Variants in GPC5 observed in about 807,000 individuals in gnomAD.
GPC5 encodes glypican-5.
Under a neutral mutation model 53.9 loss-of-function variants are expected in GPC5, and 47 were observed. The ratio of observed to expected loss-of-function variants is 0.87; its 90% confidence interval spans 0.69 to 1.11. GPC5 has a LOEUF of 1.11. GPC5 is among the 50% of genes most tolerant of loss of function. GPC5 has a pLI of 0.00. For missense variants in GPC5, 748 were observed against 713.1 expected, an observed-to-expected ratio of 1.05 and a Z score of -0.56; for synonymous variants, 286 against 263.3, an observed-to-expected ratio of 1.09 and a Z score of -0.84.
intron 7 of GPC5, among the ~76,000 whole-genome samples, chr13:92,218,859 T>C (rs1199710824): frequency 6.6e-6 from 1 of 152,190 alleles, no homozygotes; most frequent in East Asian, 1.9e-4. Context: ...CAAAAACCTC[T>C]CAGGAACACT....
intron 7 of GPC5, among the ~76,000 whole-genome samples, chr13:92,304,436 C>A (rs1289044361): frequency 1.3e-5 from 2 of 151,972 alleles, no homozygotes; most frequent in Non-Finnish European, 2.9e-5. Context: ...GATCTCCTGA[C>A]CTTGTGATCC....
intron 6 of GPC5, among the ~76,000 whole-genome samples, chr13:91,928,813 C>A (rs1365601854): frequency 6.6e-6 from 1 of 151,972 alleles, no homozygotes; most frequent in African/African-American, 2.4e-5. Flanking sequence ...CTAAGGTAGA[C>A]GTAAAGACAT....
chr13:92,340,405 A>G (rs2043356323), intron 7 of GPC5: 1 of 152,126 alleles, frequency 6.6e-6, no homozygotes, highest in African/African-American at 2.4e-5. Context: ...ACTTTTTTAA[A>G]AAAGATGGGA....
intron 6 of GPC5, among the ~76,000 whole-genome samples, chr13:92,104,244 G>A (rs545561419): frequency 6.6e-6 from 1 of 152,166 alleles, no homozygotes; most frequent in South Asian, 2.1e-4. Context: ...TGTGATTTTG[G>A]GGTTTGTTTT....
chr13:91,419,829 CT>C (rs902885938), intron 1 of GPC5, among the ~76,000 whole-genome samples: 31 of 152,266 alleles, frequency 2.0e-4, no homozygotes, highest in African/African-American at 7.2e-4. Context: ...CTATGGAATG[CT>C]TTTAGCAGGA....
chr13:92,685,180 C>T (rs1215940584), intron 7 of GPC5, among the ~76,000 whole-genome samples: 1 of 152,102 alleles, frequency 6.6e-6, no homozygotes, highest in African/African-American at 2.4e-5. Flanking sequence ...CAACCTCCAT[C>T]TCACGGGTTC....
At chr13:92,746,975 T>C (rs1753031581) in intron 7 of GPC5, among the ~76,000 whole-genome samples, 1 of 152,144 alleles carries the variant, frequency 6.6e-6, no homozygotes, top group Non-Finnish European at 1.5e-5. Context: ...CTAGGATGCA[T>C]ACCTATACAG....
At chr13:91,766,239 C>A (rs1279013815) in intron 5 of GPC5, among the ~76,000 whole-genome samples, 1 of 152,188 alleles carries the variant, frequency 6.6e-6, no homozygotes, top group African/African-American at 2.4e-5. Context: ...CGAGTGGGAG[C>A]AAATGCATTC....
intron 7 of GPC5, among the ~76,000 whole-genome samples, chr13:92,511,702 A>G (rs1880572827): frequency 6.6e-6 from 1 of 152,194 alleles, no homozygotes; most frequent in African/African-American, 2.4e-5. Flanking sequence ...ATTCTCTTAT[A>G]AAGTCATTTT....
At chr13:92,262,207 T>G (rs2042772435) in intron 7 of GPC5, among the ~76,000 whole-genome samples, 1 of 152,162 alleles carries the variant, frequency 6.6e-6, no homozygotes, top group South Asian at 2.1e-4. Context: ...TGATTTATAT[T>G]TGGTTTCTAG....
chr13:92,623,976 T>A (rs2139119472), intron 7 of GPC5, among the ~76,000 whole-genome samples: 1 of 151,294 alleles, frequency 6.6e-6, no homozygotes, highest in East Asian at 1.9e-4. Context: ...TGTCTTAGCC[T>A]CCCAAGTAGC....
chr13:91,821,075 A>G (rs1364747916), intron 5 of GPC5, among the ~76,000 whole-genome samples: 5 of 152,166 alleles, frequency 3.3e-5, no homozygotes, highest in Admixed American at 6.5e-5. Flanking sequence ...GTGGGATAAC[A>G]TTCTATTCAT....
At chr13:91,562,188 T>TAAAAAAAAAAA (rs10603242) in intron 2 of GPC5, among the ~76,000 whole-genome samples, 14 of 45,058 alleles carry the variant, frequency 3.1e-4, no homozygotes, top group African/African-American at 3.4e-4. Flanking sequence ...GGAGCAACAG[T>TAAAAAAAAAAA]AAAAAAAAAA....
chr13:92,747,603 T>G (rs1338299903), intron 7 of GPC5, among the ~76,000 whole-genome samples: 1 of 152,160 alleles, frequency 6.6e-6, no homozygotes, highest in Non-Finnish European at 1.5e-5. Context: ...AAATGACAAA[T>G]TGCCTCCACA....
chr13:92,709,902 T>C (rs1218973705), intron 7 of GPC5, among the ~76,000 whole-genome samples: 2 of 152,196 alleles, frequency 1.3e-5, no homozygotes, highest in African/African-American at 2.4e-5. Context: ...CCTCTTCTTT[T>C]AAGTGGATGC....
intron 5 of GPC5, among the ~76,000 whole-genome samples, chr13:91,777,544 A>G (rs577332803): frequency 6.6e-6 from 1 of 152,228 alleles, no homozygotes; most frequent in Non-Finnish European, 1.5e-5. Context: ...TTGATTCATT[A>G]CATAAATATA....
intron 7 of GPC5, among the ~76,000 whole-genome samples, chr13:92,832,493 T>C (rs1178095922): frequency 6.6e-6 from 1 of 152,222 alleles, no homozygotes; most frequent in Non-Finnish European, 1.5e-5. Flanking sequence ...ACTAATCTTT[T>C]TAAAATAGAC....
intron 7 of GPC5, among the ~76,000 whole-genome samples, chr13:92,328,351 G>A (rs2043266340): frequency 6.6e-6 from 1 of 152,114 alleles, no homozygotes; most frequent in Non-Finnish European, 1.5e-5. Flanking sequence ...GGAGAAAAAT[G>A]CAAACAAACA....
intron 6 of GPC5, among the ~76,000 whole-genome samples, chr13:91,983,387 C>T (rs1373537742): frequency 6.6e-6 from 1 of 151,606 alleles, no homozygotes; most frequent in Admixed American, 6.6e-5. Flanking sequence ...GAGAGGCTGA[C>T]AACATCTAGG....
Sources: allele counts gnomAD v4.1 joint callset (sites outside exome capture counted in the v4.1 genomes callset), GRCh38; gene constraint gnomAD v4.1.1; transcripts MANE v1.5; gene names NCBI Gene and HGNC (gene_info 2026-07-23, HGNC 2026-07-21).